ANGPTL5: variants seen among roughly 807,000 people sequenced by gnomAD.
ANGPTL5 encodes the protein angiopoietin like 5, also known as angiopoietin-related protein 5.
A neutral mutation model predicts 39.4 loss-of-function variants in ANGPTL5; 34 were observed. The observed-to-expected ratio is 0.86, with a 90% CI of 0.66 to 1.15. ANGPTL5 has a LOEUF of 1.15. Among genes scored for constraint, ANGPTL5 ranks in the 50% most tolerant of loss-of-function variants. The pLI is 0.00. For synonymous variants in ANGPTL5, 146 were observed against 152.1 expected, an observed-to-expected ratio of 0.96 and a Z score of 0.29; for missense variants, 467 against 457.5, an observed-to-expected ratio of 1.02 and a Z score of -0.19.
At chr11:101,913,906 A>G (rs558337812) in intron 1 of ANGPTL5, among the ~76,000 whole-genome samples, 3 of 152,324 alleles carry the variant, frequency 2.0e-5, no homozygotes, top group South Asian at 2.1e-4. Context: ...GTCCAGTTGT[A>G]TACATTTAGC....
chr11:101,910,707 T>C (rs931234184), intron 1 of ANGPTL5, among the ~76,000 whole-genome samples: 6 of 152,144 alleles, frequency 3.9e-5, no homozygotes, highest in African/African-American at 1.4e-4. Flanking sequence ...ACTTTTTTTC[T>C]CTCGCTTACT....
At chr11:101,901,079 G>C (rs1219454249) in intron 6 of ANGPTL5, among the ~76,000 whole-genome samples, 3 of 140,726 alleles carry the variant, frequency 2.1e-5, no homozygotes, top group East Asian at 2.1e-4. Context: ...GGGTTTCGCT[G>C]TGTTAGCCAG....
At chr11:101,904,215 G>A (rs143229409) in intron 5 of ANGPTL5, among the ~76,000 whole-genome samples, 3 of 152,044 alleles carry the variant, frequency 2.0e-5, no homozygotes, top group Admixed American at 6.5e-5. Flanking sequence ...CTTCTTTTTC[G>A]AAGAAGGACA....
intron 1 of ANGPTL5, chr11:101,915,405 T>C (rs1214160661): frequency 1.2e-6 from 2 of 1,612,774 alleles, no homozygotes; most frequent in East Asian, 2.2e-5. Context: ...CCGACCTGGC[T>C]CTTACCTGTA....
At chr11:101,903,712 A>C (rs1448243085) in intron 5 of ANGPTL5, among the ~76,000 whole-genome samples, 1 of 152,176 alleles carries the variant, frequency 6.6e-6, no homozygotes, top group African/African-American at 2.4e-5. Flanking sequence ...GCTCAGAGAC[A>C]TGAAAGAAGT....
chr11:101,904,956 C>A (rs1342132783), intron 4 of ANGPTL5, 49 bp from the exon 5 acceptor site: 1 of 1,432,970 alleles, frequency 7.0e-7, no homozygotes, highest in South Asian at 1.2e-5. Context: ...GAAGAAATTG[C>A]CATCTCTAAG....
rs528770440 is a variant in ANGPTL5 at position 101,909,966 on chromosome 11, A to T, written c.-92-1965T>A. On this transcript the variant is annotated intron_variant, in intron 1 of 8. Coordinates refer to ENST00000334289, the MANE Select transcript of ANGPTL5 (RefSeq NM_178127.5). ...ACACCTAGCTGTAGGCAATCACATG[A>T]TTCCTCTACTTTGTTTCTGTGTCCA... Among the ~76,000 whole-genome samples the T allele has an allele frequency of 7.3e-4, 111 of 152,270 alleles. 1 individual carries two copies. The highest frequency in any genetic ancestry group is 2.4e-3 in the African/African-American group (101 of 41,544).
In ANGPTL5 at chr11:101,890,949, C is replaced by A; in HGVS notation, c.*330G>T. On this transcript the variant is annotated 3_prime_UTR_variant, in exon 9 of 9. Coordinates refer to ENST00000334289, the MANE Select transcript of ANGPTL5 (RefSeq NM_178127.5). ...AAGTAAAATATTCCCTTCAATTTTC[C>A]TTACAACATATTATGGTTTAAAAAT... is the stretch of plus-strand genomic sequence containing the variant. The A allele has an allele frequency of 5.4e-6, 1 of 184,366 alleles. No homozygotes were observed. Among genetic ancestry groups the A allele is most frequent in the Non-Finnish European group, 1.1e-5 (1 of 88,038 alleles). 11.4% of individuals were successfully genotyped at this position (184,366 alleles called of 1,614,324 possible). A position where few individuals can be genotyped will look rare whatever the true frequency, so the allele number is the denominator to read the frequency against.
intron 8 of ANGPTL5, among the ~76,000 whole-genome samples, chr11:101,891,961 G>C (rs1939705481): frequency 6.6e-6 from 1 of 152,144 alleles, no homozygotes; most frequent in African/African-American, 2.4e-5. Flanking sequence ...AATTTACACA[G>C]GGTAGGTTTC....
chr11:101,894,370 A>C (rs1181876213), intron 8 of ANGPTL5, among the ~76,000 whole-genome samples: 2 of 152,352 alleles, frequency 1.3e-5, no homozygotes, highest in Middle Eastern at 3.4e-3. Context: ...TGACAAATTA[A>C]ATTTATTTGG....
At chr11:101,894,793 G>A in intron 8 of ANGPTL5, 86 bp downstream of exon 8, 9 of 1,275,354 alleles carry the variant, frequency 7.1e-6, no homozygotes, top group Non-Finnish European at 1.0e-5. Flanking sequence ...TATATACAAA[G>A]ACAAATGCAT....
In ANGPTL5 at chr11:101,891,437, C is replaced by T. The variant is rs200165022; in HGVS notation, c.1009G>A (p.Glu337Lys). ...CCATTTAGATTTGCTAGACCACACT[C>T]GTTAAACCACCAGCCGGTCTTGTTA... The part of the protein sequence containing the change: ...LHNKTGWWFN[E>K]CGLANLNGIH... The change falls in exon 9 of 9, where the codon GAG becomes AAG. Residue 337 changes from glutamate to lysine, a missense_variant. By Grantham distance (56) the Glu-to-Lys change is moderately conservative. Transcript: ENST00000334289. 57 of 1,613,944 alleles carry T rather than the reference C, an allele frequency of 3.5e-5. No individual in the cohort carries two copies. The Middle Eastern group carries it at 2.5e-3, about 70-fold the overall frequency.
At position 101,905,850 on chromosome 11, in the gene ANGPTL5, T is replaced by C. The variant is rs774863889; in HGVS notation, c.242-3A>G. ...AACAATAGAATTTTGCAAATTTCCT[T>C]AACCATAATAAAAAGTGGCTGTTAA... is the stretch of plus-strand genomic sequence containing the variant. On this transcript the variant is annotated splice_region_variant and splice_polypyrimidine_tract_variant and intron_variant, in intron 3 of 8. Coordinates refer to ENST00000334289, the MANE Select transcript of ANGPTL5 (RefSeq NM_178127.5). The C allele has an allele frequency of 3.3e-5, 50 of 1,516,076 alleles. No homozygotes were observed. Among genetic ancestry groups the C allele is most frequent in the Non-Finnish European group, 3.8e-5 (42 of 1,093,596 alleles). The allele number at this position is 1,516,076 out of a possible 1,614,324, so 93.9% of individuals were successfully genotyped here. A position where few individuals can be genotyped will look rare whatever the true frequency, so the allele number is the denominator to read the frequency against.
At chr11:101,903,885 T>G (rs945904023) in intron 5 of ANGPTL5, among the ~76,000 whole-genome samples, 1 of 112,294 alleles carries the variant, frequency 8.9e-6, no homozygotes, top group Non-Finnish European at 2.0e-5. Flanking sequence ...ATTCGGGCAT[T>G]TTTTTTATTT....
chr11:101,895,025 A>G lies in ANGPTL5; in HGVS notation c.701T>C (p.Val234Ala), dbSNP rs138002170. The G allele has an allele frequency of 1.2e-6, 2 of 1,605,268 alleles. No individual in the cohort carries two copies. The highest frequency in any genetic ancestry group is 1.7e-6 in the Non-Finnish European group (2 of 1,175,824). ...CATAAAACTGGTATTTTTCTGATTT[A>G]CTATATAAAAAATCTTTTTCAGTCC... ...WLGLKKIFYI[V>A]NQKNTSFMLY... The change falls in exon 8 of 9, where the codon GTA (valine) becomes GCA (alanine). Residue 234 changes from valine to alanine, a missense_variant. Transcript: ENST00000334289.
Position 101,891,124 on chromosome 11 carries a change from C to A in ANGPTL5, c.*155G>T. 1.6e-6 allele frequency: 1 copy of A among 633,760 alleles called. No individual in the cohort carries two copies. Among genetic ancestry groups the A allele is most frequent in the Non-Finnish European group, 2.6e-6 (1 of 386,712 alleles). 39.3% of individuals were successfully genotyped at this position (633,760 alleles called of 1,614,324 possible). ...CCATGTTTTCTTTTATAGAATACTA[C>A]AAAATTGAAGTTTTCTAATTAAACT... On this transcript the variant is annotated 3_prime_UTR_variant, in exon 9 of 9. Transcript: ENST00000334289.
chr11:101,904,644 A>G (rs1466860819), intron 5 of ANGPTL5, among the ~76,000 whole-genome samples, 170 bp downstream of exon 5: 1 of 152,242 alleles, frequency 6.6e-6, no homozygotes, highest in Non-Finnish European at 1.5e-5. Flanking sequence ...TTAAGAAAGT[A>G]CACGTTGTCT....
intron 4 of ANGPTL5, 126 bp downstream of exon 4, chr11:101,905,618 C>T: frequency 7.3e-6 from 5 of 683,700 alleles, no homozygotes; most frequent in South Asian, 3.6e-5. Context: ...TACTATGGTG[C>T]CTCTAACATG....
rs184746800 is a variant in ANGPTL5 at position 101,903,225 on chromosome 11, G to A, written c.440-504C>T. ...ATACAAGTAGCCAAAGGAAGAAAGG[G>A]GAAAATCACTTTCTTCCCCAAGAAA... On this transcript the variant is annotated intron_variant, in intron 5 of 8. Transcript: ENST00000334289. Among the ~76,000 whole-genome samples, 225 of 152,156 alleles carry A rather than the reference G, an allele frequency of 1.5e-3. 1 individual carries two copies. The highest frequency in any genetic ancestry group is 5.2e-3 in the African/African-American group (216 of 41,540).
Sources: gnomAD v4.1 joint callset for allele counts (sites outside exome capture counted in the v4.1 genomes callset) on GRCh38, gnomAD v4.1.1 for gene constraint, MANE v1.5 for transcripts, NCBI Gene and HGNC (gene_info 2026-07-23, HGNC 2026-07-21) for gene names.